BABAM2: variants seen among roughly 807,000 people sequenced by gnomAD.
The protein encoded by BABAM2 is BRISC and BRCA1 A complex member 2.
BABAM2 carries 31 observed loss-of-function variants against 54.7 expected under a neutral mutation model. That is an observed-to-expected ratio of 0.57 (90% confidence interval 0.43 to 0.77). BABAM2 has a LOEUF of 0.77. Among genes scored for constraint, BABAM2 ranks in the 30% least tolerant of loss-of-function variants. The pLI is 0.00. For synonymous variants in BABAM2, 167 were observed against 162.9 expected (o/e 1.03, Z -0.19); for missense variants, 364 against 455.8 (o/e 0.80, Z 1.83).
chr2:27,927,733 A>C (rs1399689311), intron 2 of BABAM2, among the ~76,000 whole-genome samples: 1 of 152,126 alleles, frequency 6.6e-6, no homozygotes, highest in Admixed American at 6.5e-5. Context: ...TACTGGTGCA[A>C]CTTAGTTGTT....
At chr2:28,172,704 T>C (rs1282757115) in intron 7 of BABAM2, among the ~76,000 whole-genome samples, 8 of 152,228 alleles carry the variant, frequency 5.3e-5, no homozygotes, top group African/African-American at 7.2e-5. Flanking sequence ...CGAGTATTCC[T>C]GTACCTTCTT....
Position 28,336,653 on chromosome 2 carries a change from G to C in BABAM2, c.1089-1797G>C, listed in dbSNP as rs147537033. 4.8e-3 allele frequency among the ~76,000 whole-genome samples: 728 copies of C among 152,374 alleles called. 4 individuals carry two copies. The highest frequency in any genetic ancestry group is 0.028 in the South Asian group (134 of 4,834). ...TCCAGAGAGAGGAGCTGACGTTTCA[G>C]TGCTGCAGAGGCCATGGTGGAGGCC... On this transcript the variant is annotated intron_variant, in intron 11 of 11. Transcript: ENST00000379624.
chr2:28,101,429 C>A (rs889459241), intron 6 of BABAM2, among the ~76,000 whole-genome samples: 2 of 152,144 alleles, frequency 1.3e-5, no homozygotes, highest in Non-Finnish European at 2.9e-5. Context: ...TGAAGTGAGA[C>A]ACAGGGCCTC....
At chr2:28,286,923 A>C (rs1686869331) in intron 10 of BABAM2, among the ~76,000 whole-genome samples, 1 of 152,268 alleles carries the variant, frequency 6.6e-6, no homozygotes, top group Admixed American at 6.5e-5. Context: ...TGTAAAGGTC[A>C]TAACTAGATC....
chr2:27,989,107 A>AT (rs1398857977), intron 4 of BABAM2, among the ~76,000 whole-genome samples: 1 of 152,036 alleles, frequency 6.6e-6, no homozygotes, highest in Non-Finnish European at 1.5e-5. Flanking sequence ...ATCAGCTGTA[A>AT]TTTTTTTAAT....
At chr2:27,954,546 A>C (rs1442279155) in intron 3 of BABAM2, among the ~76,000 whole-genome samples, 1 of 152,192 alleles carries the variant, frequency 6.6e-6, no homozygotes, top group East Asian at 1.9e-4. Context: ...TTAAGGGTCA[A>C]AATTAGTATG....
At chr2:28,183,325 C>T (rs1675845016) in intron 7 of BABAM2, among the ~76,000 whole-genome samples, 1 of 152,076 alleles carries the variant, frequency 6.6e-6, no homozygotes. Context: ...CCTGTAATCC[C>T]AGCTACTTGG....
At chr2:28,050,016 T>G (rs1677883698) in intron 6 of BABAM2, among the ~76,000 whole-genome samples, 1 of 152,162 alleles carries the variant, frequency 6.6e-6, no homozygotes, top group Admixed American at 6.5e-5. Flanking sequence ...GAATCTGACT[T>G]GATACAATAC....
intron 3 of BABAM2, among the ~76,000 whole-genome samples, chr2:27,963,339 G>A (rs565565929): frequency 1.9e-4 from 29 of 151,972 alleles, no homozygotes; most frequent in Non-Finnish European, 3.5e-4. Context: ...GCTTGTTGGC[G>A]CATGCTTGTA....
chr2:28,320,817 G>A (rs1311255923), intron 11 of BABAM2, among the ~76,000 whole-genome samples: 2 of 152,212 alleles, frequency 1.3e-5, no homozygotes, highest in East Asian at 1.9e-4. Flanking sequence ...TTTATCATGT[G>A]CCTGGCCTTG....
intron 6 of BABAM2, among the ~76,000 whole-genome samples, chr2:28,126,014 A>G (rs1669492281): frequency 1.3e-5 from 2 of 152,302 alleles, no homozygotes; most frequent in Admixed American, 6.5e-5. Context: ...CTACACACAC[A>G]GTTAATATTG....
rs574733138 is a variant in BABAM2, at chr2:28,071,231, G to A, written c.570+25432G>A. On this transcript the variant is annotated intron_variant, in intron 6 of 11. Coordinates refer to ENST00000379624, the MANE Select transcript of BABAM2 (RefSeq NM_199191.3). ...GAGTCTTACCCATTGTTTTAAATTC[G>A]ATGTCTTTTAAGTCTCTTTTCATTT... 1.1e-4 allele frequency among the ~76,000 whole-genome samples: 16 copies of A among 152,148 alleles called. No homozygotes were observed. In the South Asian group the frequency reaches 2.9e-3, roughly 28 times the overall value.
chr2:28,250,595 G>T (rs61002687), intron 10 of BABAM2, among the ~76,000 whole-genome samples: 110,045 of 138,886 alleles, frequency 0.79, 43,282 homozygotes, highest in East Asian at 0.98. Context: ...TTTTTTTTTT[G>T]TTTGTTTGTT....
At chr2:28,256,821 A>G (rs1281310580) in intron 10 of BABAM2, among the ~76,000 whole-genome samples, 4 of 151,502 alleles carry the variant, frequency 2.6e-5, no homozygotes, top group African/African-American at 9.7e-5. Context: ...CAGCCTCCCA[A>G]ATAGCTGGGA....
intron 6 of BABAM2, among the ~76,000 whole-genome samples, chr2:28,083,555 T>G (rs761514685): frequency 4.6e-5 from 7 of 152,212 alleles, no homozygotes; most frequent in Non-Finnish European, 7.3e-5. Flanking sequence ...TATTTTCTAG[T>G]CTCCTTATGC....
chr2:27,962,940 C>T (rs574013155), intron 3 of BABAM2, among the ~76,000 whole-genome samples: 3 of 152,220 alleles, frequency 2.0e-5, no homozygotes, highest in South Asian at 2.1e-4. Flanking sequence ...ATATTTTTGT[C>T]GTAGGAACAA....
chr2:27,946,292 T>C (rs1173740196), intron 3 of BABAM2, among the ~76,000 whole-genome samples: 4 of 152,364 alleles, frequency 2.6e-5, no homozygotes, highest in African/African-American at 4.8e-5. Flanking sequence ...TCTGTTAATA[T>C]GATAAATAAA....
intron 11 of BABAM2, chr2:28,309,925 G>A (rs569350016): frequency 8.6e-6 from 6 of 696,990 alleles, no homozygotes; most frequent in African/African-American, 3.6e-5. Context: ...CATTCCGCAC[G>A]AGCAAGCTCA....
intron 10 of BABAM2, among the ~76,000 whole-genome samples, chr2:28,274,341 T>C (rs1245724060): frequency 6.6e-6 from 1 of 152,258 alleles, no homozygotes. Flanking sequence ...AGATCTGTTA[T>C]CTTGAATGGT....
Sources: allele counts gnomAD v4.1 joint callset (sites outside exome capture counted in the v4.1 genomes callset), GRCh38; gene constraint gnomAD v4.1.1; transcripts MANE v1.5; gene names NCBI Gene and HGNC (gene_info 2026-07-23, HGNC 2026-07-21).